RELN: variants seen among roughly 807,000 people sequenced by gnomAD.
RELN encodes the protein reelin.
In RELN, 108 loss-of-function variants were observed where a neutral mutation model predicts 427.6. That is an observed-to-expected ratio of 0.25 (90% CI 0.22 to 0.30). RELN has a LOEUF of 0.30. Among genes scored for constraint, RELN ranks in the 10% least tolerant of loss-of-function variants. RELN has a pLI of 1.00. For synonymous variants in RELN, 1,524 were observed against 1,513.4 expected (o/e 1.01, Z -0.16); for missense variants, 3,715 against 4,302.8 (o/e 0.86, Z 3.82).
At chr7:103,550,870 A>C (rs1331746901) in intron 41 of RELN, among the ~76,000 whole-genome samples, 197 bp downstream of exon 41, 1 of 152,184 alleles carries the variant, frequency 6.6e-6, no homozygotes, top group Non-Finnish European at 1.5e-5. Context: ...TGTCCTGTTC[A>C]AATCTACCTT....
intron 2 of RELN, among the ~76,000 whole-genome samples, chr7:103,883,408 A>G (rs1050523117): frequency 6.6e-6 from 1 of 152,238 alleles, no homozygotes; most frequent in African/African-American, 2.4e-5. Flanking sequence ...CTCCTATTCA[A>G]CATAGTATTA....
At chr7:103,938,870 A>C (rs1210738678) in intron 1 of RELN, among the ~76,000 whole-genome samples, 1 of 152,220 alleles carries the variant, frequency 6.6e-6, no homozygotes, top group African/African-American at 2.4e-5. Flanking sequence ...GGTGATCATG[A>C]AGGGAAAACT....
At chr7:103,955,653 C>T (rs1221813798) in intron 1 of RELN, among the ~76,000 whole-genome samples, 1 of 152,176 alleles carries the variant, frequency 6.6e-6, no homozygotes, top group Non-Finnish European at 1.5e-5. Context: ...TTTCCTGGCT[C>T]AGGTTTCTGA....
chr7:103,654,225 T>G lies in RELN; in HGVS notation c.1442-20A>C. ...TTCCTCCTGCACAAAACAAAAATTT[T>G]AAGTTGCTAGTACCAACTAGCATCC... On this transcript the variant is annotated intron_variant, in intron 12 of 64. Coordinates refer to ENST00000428762, the MANE Select transcript of RELN (RefSeq NM_005045.4). The G allele has an allele frequency of 2.1e-6, 3 of 1,396,358 alleles. No homozygotes were observed. The highest frequency in any genetic ancestry group is 3.1e-6 in the Non-Finnish European group (3 of 982,104). 86.5% of individuals were successfully genotyped at this position (1,396,358 alleles called of 1,614,324 possible).
intron 3 of RELN, among the ~76,000 whole-genome samples, chr7:103,803,598 GATAAATACCC>G (rs1792522103): frequency 6.6e-6 from 1 of 152,014 alleles, no homozygotes; most frequent in African/African-American, 2.4e-5. Context: ...CTCTATGGGG[GATAAATACCC>G]AGTAAACCTT....
At chr7:103,707,803 CTATT>C (rs1346455440) in intron 8 of RELN, among the ~76,000 whole-genome samples, 1 of 152,018 alleles carries the variant, frequency 6.6e-6, no homozygotes. Context: ...GGCTGCAAAT[CTATT>C]TCTTTTTTTA....
chr7:103,975,940 A>G (rs938522633), intron 1 of RELN, among the ~76,000 whole-genome samples: 3 of 152,090 alleles, frequency 2.0e-5, no homozygotes, highest in African/African-American at 7.2e-5. Flanking sequence ...ACAGGCATAC[A>G]AGGCCATCTA....
At chr7:103,513,684 A>G (rs750239993) in intron 50 of RELN, 2 of 152,180 alleles carry the variant, frequency 1.3e-5, no homozygotes, top group African/African-American at 2.4e-5. Context: ...TAACCTAAAT[A>G]TCCAGTATTA....
chr7:103,479,965 T>TA (rs1222467704), intron 63 of RELN, among the ~76,000 whole-genome samples: 6 of 152,054 alleles, frequency 3.9e-5, no homozygotes, highest in African/African-American at 1.2e-4. Flanking sequence ...AACCTTCACT[T>TA]AAAAAAAGAA....
chr7:103,484,579 C>T (rs766888197), intron 61 of RELN: 2 of 152,482 alleles, frequency 1.3e-5, no homozygotes, highest in African/African-American at 4.8e-5. Flanking sequence ...CTGTTAGTAA[C>T]AAAATTTATT....
intron 60 of RELN, 99 bp from the exon 61 acceptor site, chr7:103,486,515 G>T: frequency 5.2e-5 from 40 of 775,620 alleles, no homozygotes; most frequent in Middle Eastern, 3.2e-4. Context: ...AGTTGTTACT[G>T]TAAGAATGGC....
chr7:103,546,063 T>C (rs1054788655), intron 41 of RELN, among the ~76,000 whole-genome samples: 9 of 152,248 alleles, frequency 5.9e-5, no homozygotes, highest in African/African-American at 9.6e-5. Context: ...ACCACATTCA[T>C]AGTGTTGTCC....
intron 4 of RELN, among the ~76,000 whole-genome samples, chr7:103,764,745 AG>A (rs1791386402): frequency 1.3e-5 from 2 of 150,438 alleles, no homozygotes; most frequent in Non-Finnish European, 3.0e-5. Context: ...CTGAGGTAGG[AG>A]AATTGCTTGA....
chr7:103,611,885 T>C, intron 20 of RELN, 82 bp from the exon 21 acceptor site: 2 of 1,070,504 alleles, frequency 1.9e-6, no homozygotes, highest in Non-Finnish European at 2.9e-6. Flanking sequence ...TCACACTATA[T>C]ACCAAAATAA....
chr7:103,796,570 G>A (rs188471874), intron 3 of RELN, among the ~76,000 whole-genome samples: 329 of 152,268 alleles, frequency 2.2e-3, no homozygotes, highest in African/African-American at 7.7e-3. Flanking sequence ...AGAGTCTGTA[G>A]AAAGTAAATG....
At chr7:103,547,163 A>C (rs1013039473) in intron 41 of RELN, among the ~76,000 whole-genome samples, 1 of 152,216 alleles carries the variant, frequency 6.6e-6, no homozygotes, top group Non-Finnish European at 1.5e-5. Flanking sequence ...CTAAATTCTG[A>C]ATAGTTTTCT....
intron 1 of RELN, among the ~76,000 whole-genome samples, chr7:103,980,796 T>C (rs766958667): frequency 6.6e-6 from 1 of 152,172 alleles, no homozygotes; most frequent in Non-Finnish European, 1.5e-5. Flanking sequence ...TCAGGAGTCT[T>C]TGAGTTGCCT....
intron 46 of RELN, among the ~76,000 whole-genome samples, chr7:103,529,987 T>C (rs965679655): frequency 6.6e-6 from 1 of 152,192 alleles, no homozygotes; most frequent in Non-Finnish European, 1.5e-5. Context: ...GTCCCCTTGC[T>C]GGCCATTTCT....
intron 31 of RELN, among the ~76,000 whole-genome samples, chr7:103,570,653 T>G (rs1309582300): frequency 1.3e-5 from 2 of 152,228 alleles, no homozygotes; most frequent in Non-Finnish European, 2.9e-5. Context: ...ATGGTAGGTT[T>G]ACGCTTCTTT....
Sources: gnomAD v4.1 joint callset for allele counts (sites outside exome capture counted in the v4.1 genomes callset) on GRCh38, gnomAD v4.1.1 for gene constraint, MANE v1.5 for transcripts, NCBI Gene and HGNC (gene_info 2026-07-23, HGNC 2026-07-21) for gene names.